The following TRAK2 variants were observed in gnomAD, a reference collection of about 807,000 sequenced individuals.
TRAK2 encodes the protein trafficking kinesin-binding protein 2.
In TRAK2, 81 loss-of-function variants were observed where a neutral mutation model predicts 104.6. That is an observed-to-expected ratio of 0.77 (90% CI 0.65 to 0.93). The LOEUF (loss-of-function observed/expected upper bound fraction) is 0.93. Ranked by LOEUF, TRAK2 falls within the 40% of genes least tolerant of loss-of-function variation. The pLI is 0.00. For synonymous variants in TRAK2, 406 were observed against 394.4 expected (o/e 1.03, Z -0.35); for missense variants, 1,002 against 1,089.0 (o/e 0.92, Z 1.12).
chr2:201,395,135 A>G (rs547840251), intron 8 of TRAK2, 179 bp downstream of exon 8: 1 of 636,676 alleles, frequency 1.6e-6, no homozygotes, highest in Non-Finnish European at 2.6e-6. Flanking sequence ...TAATGACTTG[A>G]AAGTATTTAT....
intron 1 of TRAK2, among the ~76,000 whole-genome samples, chr2:201,424,994 T>C (rs1951775631): frequency 6.6e-6 from 1 of 152,242 alleles, no homozygotes; most frequent in Admixed American, 6.5e-5. Context: ...TTATGTAACA[T>C]GTGACAATTA....
chr2:201,441,712 G>A (rs1951925348), intron 1 of TRAK2, among the ~76,000 whole-genome samples: 1 of 147,908 alleles, frequency 6.8e-6, no homozygotes, highest in Admixed American at 6.8e-5. Flanking sequence ...TCTCCCCCGA[G>A]ACAGAGTCTT....
intron 3 of TRAK2, among the ~76,000 whole-genome samples, chr2:201,404,865 G>GT (rs915949903): frequency 1.3e-5 from 2 of 152,190 alleles, no homozygotes; most frequent in African/African-American, 4.8e-5. Context: ...AGGTCTTGAG[G>GT]TTTTAACCCT....
At chr2:201,427,577 GAC>G (rs1469362707) in intron 1 of TRAK2, among the ~76,000 whole-genome samples, 1 of 152,152 alleles carries the variant, frequency 6.6e-6, no homozygotes, top group Non-Finnish European at 1.5e-5. Flanking sequence ...ACCAATGATA[GAC>G]ATTTGGGTTG....
chr2:201,386,585 C>A, intron 13 of TRAK2, 101 bp from the exon 14 acceptor site: 1 of 1,405,474 alleles, frequency 7.1e-7, no homozygotes, highest in South Asian at 1.3e-5. Flanking sequence ...ATAATGACAG[C>A]AATAAAACTA....
At chr2:201,445,409 T>A (rs1026413619) in intron 1 of TRAK2, among the ~76,000 whole-genome samples, 9 of 152,002 alleles carry the variant, frequency 5.9e-5, no homozygotes, top group Admixed American at 5.2e-4. Context: ...CAAAGGGAGG[T>A]TAAAGATTTA....
rs1951512402 is a variant in TRAK2 at position 201,397,499 on chromosome 2, C to CA, written c.769+2dup. 6.2e-6 allele frequency: 10 copies of CA among 1,608,926 alleles called. No individual in the cohort carries two copies. The highest frequency in any genetic ancestry group is 7.7e-6 in the Non-Finnish European group (9 of 1,176,346). Reference sequence around the variant, plus strand: ...GTACAAAAGAGAATATGTTAATACTCACGAAGTTCTTTAACACAGTCGCTG... The same window carrying CA: ...GTACAAAAGAGAATATGTTAATACTCAACGAAGTTCTTTAACACAGTCGCTG... On this transcript the variant is annotated splice_region_variant and intron_variant, in intron 7 of 15. Coordinates refer to ENST00000332624, the MANE Select transcript of TRAK2 (RefSeq NM_015049.3).
intron 12 of TRAK2, 198 bp from the exon 13 acceptor site, chr2:201,388,199 A>G (rs1951410406): frequency 3.3e-6 from 2 of 609,850 alleles, no homozygotes; most frequent in Non-Finnish European, 5.9e-6. Flanking sequence ...ATCATTGCAA[A>G]TGACTTGAAA....
rs1480059293 is a variant in TRAK2, at chr2:201,380,979, G to A, written c.2309C>T (p.Ser770Phe). 6.2e-7 allele frequency: 1 copy of A among 1,614,032 alleles called. No homozygotes were observed. Among genetic ancestry groups the A allele is most frequent in the Non-Finnish European group, 8.5e-7 (1 of 1,180,026 alleles). Residue 770 changes from serine (S) to phenylalanine (F), a missense_variant, in exon 16 of 16, where the codon TCC becomes TTC. Physicochemically the swap from Ser to Phe is radical, Grantham distance 155. Transcript: ENST00000332624. ...SENPLQPLPK[S>F]LAIPSTPPNS... is the part of the protein sequence containing the mutation. ...TGGTGGTGTGGAAGGGATAGCCAGG[G>A]ATTTAGGGAGAGGCTGGAGGGGGTT... is the stretch of plus-strand genomic sequence containing the variant.
At chr2:201,390,019 G>A in intron 10 of TRAK2, 139 bp from the exon 11 acceptor site, 3 of 577,966 alleles carry the variant, frequency 5.2e-6, no homozygotes, top group East Asian at 3.1e-5. Flanking sequence ...AAGACATTCT[G>A]GAAATATAAC....
chr2:201,423,037 C>CCACCACACACACACA (rs776613893), intron 1 of TRAK2, among the ~76,000 whole-genome samples: 9 of 134,150 alleles, frequency 6.7e-5, no homozygotes, highest in African/African-American at 2.3e-4. Flanking sequence ...AACACCACCA[C>CCACCACACACACACA]CACACACACA....
intron 2 of TRAK2, among the ~76,000 whole-genome samples, chr2:201,417,400 A>T (rs1284569039): frequency 6.6e-6 from 1 of 152,110 alleles, no homozygotes; most frequent in African/African-American, 2.4e-5. Context: ...AAGATAATAT[A>T]TCATAACCAA....
chr2:201,382,278 T>C (rs1488888210), intron 15 of TRAK2, among the ~76,000 whole-genome samples: 1 of 152,148 alleles, frequency 6.6e-6, no homozygotes, highest in Non-Finnish European at 1.5e-5. Context: ...GCAAAACAAA[T>C]GTTACCAGTA....
chr2:201,386,020 T>C (rs1022837955), intron 14 of TRAK2, among the ~76,000 whole-genome samples, 198 bp downstream of exon 14: 5 of 152,354 alleles, frequency 3.3e-5, no homozygotes, highest in African/African-American at 9.6e-5. Flanking sequence ...TCCAGCTCTC[T>C]ACCCAATCTA....
chr2:201,424,044 C>T (rs1951765447), intron 1 of TRAK2, among the ~76,000 whole-genome samples: 1 of 152,180 alleles, frequency 6.6e-6, no homozygotes, highest in Non-Finnish European at 1.5e-5. Context: ...TTGTATGCAA[C>T]TGAATTCTTT....
chr2:201,449,789 C>A (rs987067566), intron 1 of TRAK2, among the ~76,000 whole-genome samples: 4 of 152,024 alleles, frequency 2.6e-5, no homozygotes, highest in African/African-American at 9.7e-5. Flanking sequence ...GGACTACAGG[C>A]GCGTGCCACC....
chr2:201,406,670 C>A (rs1348851454), intron 3 of TRAK2, among the ~76,000 whole-genome samples: 4 of 152,194 alleles, frequency 2.6e-5, no homozygotes, highest in African/African-American at 9.6e-5. Flanking sequence ...GTATTGAACT[C>A]ATAAGCTTTT....
rs1576518770 is a variant in TRAK2, at chr2:201,407,510, G to A, written c.179C>T (p.Thr60Ile). 1.9e-6 allele frequency: 3 copies of A among 1,614,144 alleles called. No individual in the cohort carries two copies. The highest frequency in any genetic ancestry group is 2.5e-6 in the Non-Finnish European group (3 of 1,179,988). ...GTCTTGATTTTCATATAGAAAGAGA[G>A]TGTCTACTTTTAGCCTATACTGTGG... is the stretch of plus-strand genomic sequence containing the variant. ...QLPQYRLKVD[T>I]LFLYENQDWT... Residue 60 changes from threonine to isoleucine, a missense_variant, in exon 3 of 16, where the codon ACT becomes ATT. Coordinates refer to ENST00000332624, the MANE Select transcript of TRAK2 (RefSeq NM_015049.3).
At chr2:201,386,085 A>T in intron 14 of TRAK2, 133 bp downstream of exon 14, 1 of 952,360 alleles carries the variant, frequency 1.1e-6, no homozygotes, top group Non-Finnish European at 1.6e-6. Flanking sequence ...CACTAATGCT[A>T]TAGATTTTCA....
Sources: allele counts gnomAD v4.1 joint callset (sites outside exome capture counted in the v4.1 genomes callset), GRCh38; gene constraint gnomAD v4.1.1; transcripts MANE v1.5; gene names NCBI Gene and HGNC (gene_info 2026-07-23, HGNC 2026-07-21).